RNF43: variants seen among roughly 807,000 people sequenced by gnomAD.
RNF43 encodes the protein ring finger protein 43, also known as E3 ubiquitin-protein ligase RNF43.
A neutral mutation model predicts 78.4 loss-of-function variants in RNF43; 37 were observed. The ratio of observed to expected loss-of-function variants is 0.47; its 90% CI spans 0.36 to 0.62. RNF43 has a LOEUF of 0.62. Among genes scored for constraint, RNF43 ranks in the 20% least tolerant of loss-of-function variants. The probability of loss-of-function intolerance (pLI) is 0.00; values close to 1 mark genes in which losing one functional copy is unlikely to be tolerated. For missense variants in RNF43, 774 were observed against 1,007.9 expected, an observed-to-expected ratio of 0.77 and a Z score of 3.14; for synonymous variants, 347 against 395.0, an observed-to-expected ratio of 0.88 and a Z score of 1.44.
At chr17:58,386,842 G>A (rs962476393) in intron 2 of RNF43, among the ~76,000 whole-genome samples, 1 of 151,808 alleles carries the variant, frequency 6.6e-6, no homozygotes, top group Non-Finnish European at 1.5e-5. Flanking sequence ...AAACAGAGAT[G>A]GGGTCTTGCT....
At chr17:58,387,248 G>A (rs573180486) in intron 2 of RNF43, among the ~76,000 whole-genome samples, 1 of 152,254 alleles carries the variant, frequency 6.6e-6, no homozygotes, top group East Asian at 1.9e-4. Flanking sequence ...TCTGGACCCT[G>A]TTCCTGCTTG....
At chr17:58,375,272 A>G (rs1973184170) in intron 2 of RNF43, among the ~76,000 whole-genome samples, 1 of 152,150 alleles carries the variant, frequency 6.6e-6, no homozygotes, top group Non-Finnish European at 1.5e-5. Context: ...TAGCTCCTGA[A>G]ATAAAGTCTG....
intron 3 of RNF43, among the ~76,000 whole-genome samples, chr17:58,365,469 A>T (rs1972929259): frequency 6.6e-6 from 1 of 152,164 alleles, no homozygotes; most frequent in African/African-American, 2.4e-5. Context: ...TCTTTGAAGA[A>T]TTGGGGTAGG....
intron 2 of RNF43, among the ~76,000 whole-genome samples, chr17:58,382,383 GCT>G (rs1323668191): frequency 6.6e-6 from 1 of 152,148 alleles, no homozygotes; most frequent in African/African-American, 2.4e-5. Flanking sequence ...TTTGGTGGTT[GCT>G]CTGTCATTTT....
At chr17:58,364,661 G>C (rs1972911245) in intron 3 of RNF43, among the ~76,000 whole-genome samples, 1 of 152,198 alleles carries the variant, frequency 6.6e-6, no homozygotes, top group African/African-American at 2.4e-5. Context: ...ATGGCATCAG[G>C]CTGTGATTTT....
At position 58,415,349 on chromosome 17, in the gene RNF43, G is replaced by C. The variant is rs1403944234; in HGVS notation, c.229C>G (p.Pro77Ala). The C allele has an allele frequency of 1.2e-6, 2 of 1,614,072 alleles. No homozygotes were observed. Among genetic ancestry groups the C allele is most frequent in the Admixed American group, 1.7e-5 (1 of 60,014 alleles). ...GVFAGVAEIT[P>A]AEGKLMQSHP... ...GCCTGCATTAATTTTCCTTCTGCTG[G>C]AGTTATTTCAGCAACACCAGCAAAC... Residue 77 changes from proline (P) to alanine (A), a missense_variant, in exon 2 of 10, where the codon CCA (proline) becomes GCA (alanine). Pro to Ala is a conservative substitution (Grantham distance 27). Transcript: ENST00000407977.
Position 58,415,391 on chromosome 17 carries a change from G to A in RNF43, c.187C>T (p.Leu63Phe), listed in dbSNP as rs1974101492. Reference protein sequence around the residue: ...LKMDPTGKLNLTLEGVFAGVA... With the variant: ...LKMDPTGKLNFTLEGVFAGVA... ...CCAGCAAACACACCTTCCAAAGTGA[G>A]ATTCAGTTTTCCTGTGGGGTCCATT... The change falls in exon 2 of 10, where the codon CTC becomes TTC. Residue 63 changes from leucine (L) to phenylalanine (F), a missense_variant. Coordinates refer to ENST00000407977, the MANE Select transcript of RNF43 (RefSeq NM_017763.6). 5 of 1,614,200 alleles carry A rather than the reference G, an allele frequency of 3.1e-6. No homozygotes were observed. Among genetic ancestry groups the A allele is most frequent in the Non-Finnish European group, 4.2e-6 (5 of 1,179,984 alleles).
chr17:58,391,171 A>C (rs995549732), intron 2 of RNF43, among the ~76,000 whole-genome samples: 35 of 152,234 alleles, frequency 2.3e-4, no homozygotes, highest in African/African-American at 8.2e-4. Flanking sequence ...CAAACTTAGA[A>C]AGATTGTGAA....
At chr17:58,394,570 T>C (rs1973634190) in intron 2 of RNF43, among the ~76,000 whole-genome samples, 1 of 152,152 alleles carries the variant, frequency 6.6e-6, no homozygotes, top group South Asian at 2.1e-4. Flanking sequence ...ACAGCGTGGG[T>C]GAGAGTACAC....
intron 2 of RNF43, among the ~76,000 whole-genome samples, chr17:58,410,216 G>A (rs187066576): frequency 6.6e-6 from 1 of 152,288 alleles, no homozygotes; most frequent in Admixed American, 6.5e-5. Flanking sequence ...TTATAAAAGA[G>A]ATATCTTCTT....
intron 5 of RNF43, 75 bp from the exon 6 acceptor site, chr17:58,362,723 C>T: frequency 2.6e-6 from 3 of 1,171,742 alleles, no homozygotes; most frequent in Non-Finnish European, 3.7e-6. Flanking sequence ...AACACAGGAG[C>T]CCGGGAGGCA....
chr17:58,391,233 T>C (rs1973551504), intron 2 of RNF43, among the ~76,000 whole-genome samples: 1 of 152,352 alleles, frequency 6.6e-6, no homozygotes, highest in Admixed American at 6.5e-5. Flanking sequence ...CATGAGTGTG[T>C]GCTGGAAAAT....
Position 58,354,372 on chromosome 17 carries a change from G to T in RNF43, c.*571C>A. On this transcript the variant is annotated 3_prime_UTR_variant, in exon 10 of 10. Coordinates refer to ENST00000407977, the MANE Select transcript of RNF43 (RefSeq NM_017763.6). ...AAAGCTTCAGGGACCCCTCCTTTTA[G>T]TGCTCAGGGCTCACCTATGCTACTG... 1 of 212,788 alleles carries T rather than the reference G, an allele frequency of 4.7e-6. No individual in the cohort carries two copies. The highest frequency in any genetic ancestry group is 2.3e-5 in the African/African-American group (1 of 44,156). The allele number at this position is 212,788 out of a possible 1,614,324, so 13.2% of individuals were successfully genotyped here.
chr17:58,370,077 T>G (rs1467165563), intron 3 of RNF43, among the ~76,000 whole-genome samples: 1 of 126,570 alleles, frequency 7.9e-6, no homozygotes, highest in East Asian at 2.5e-4. Flanking sequence ...TTTTTTTTTT[T>G]TTTTTTTTTG....
chr17:58,408,986 G>A (rs1386555485), intron 2 of RNF43, among the ~76,000 whole-genome samples: 1 of 152,042 alleles, frequency 6.6e-6, no homozygotes, highest in East Asian at 1.9e-4. Flanking sequence ...AGCATGCCAC[G>A]TCAATAATTC....
intron 2 of RNF43, among the ~76,000 whole-genome samples, chr17:58,373,674 A>G (rs1973147166): frequency 1.3e-5 from 2 of 152,206 alleles, no homozygotes; most frequent in Non-Finnish European, 2.9e-5. Context: ...AAACAATTCA[A>G]TTATACTCTT....
At chr17:58,407,955 A>G (rs1319695551) in intron 2 of RNF43, among the ~76,000 whole-genome samples, 2 of 152,220 alleles carry the variant, frequency 1.3e-5, no homozygotes, top group Non-Finnish European at 2.9e-5. Flanking sequence ...GAATTGATGC[A>G]GTTTCACTTC....
chr17:58,404,237 T>C (rs966188361), intron 2 of RNF43, among the ~76,000 whole-genome samples: 1 of 152,146 alleles, frequency 6.6e-6, no homozygotes, highest in Non-Finnish European at 1.5e-5. Context: ...GTCCAACAAC[T>C]AAGGACAAAG....
At chr17:58,408,604 G>C (rs1309557228) in intron 2 of RNF43, among the ~76,000 whole-genome samples, 1 of 152,124 alleles carries the variant, frequency 6.6e-6, no homozygotes, top group African/African-American at 2.4e-5. Context: ...TAAACATACT[G>C]ATTACAGCCA....
Sources: gnomAD v4.1 joint callset for allele counts (sites outside exome capture counted in the v4.1 genomes callset) on GRCh38, gnomAD v4.1.1 for gene constraint, MANE v1.5 for transcripts, NCBI Gene and HGNC (gene_info 2026-07-23, HGNC 2026-07-21) for gene names.